The following ZBTB39 variants were observed in gnomAD, a reference collection of about 807,000 sequenced individuals.
ZBTB39 encodes the protein zinc finger and BTB domain containing 39.
ZBTB39 carries 25 observed loss-of-function variants against 39.4 expected under a neutral mutation model. The observed-to-expected ratio is 0.63, with a 90% CI of 0.46 to 0.89. The LOEUF is 0.89. Among genes scored for constraint, ZBTB39 ranks in the 40% least tolerant of loss-of-function variants. The probability of loss-of-function intolerance (pLI) is 0.00; values close to 1 mark genes in which losing one functional copy is unlikely to be tolerated. For synonymous variants in ZBTB39, 373 were observed against 359.6 expected, an observed-to-expected ratio of 1.04 and a Z score of -0.42; for missense variants, 891 against 909.7, an observed-to-expected ratio of 0.98 and a Z score of 0.26.
intron 1 of ZBTB39, among the ~76,000 whole-genome samples, chr12:57,005,733 G>T (rs1198104830): frequency 2.0e-5 from 3 of 152,188 alleles, no homozygotes; most frequent in African/African-American, 7.2e-5. Context: ...AGATTTACTT[G>T]ATGCCGCAAG....
intron 1 of ZBTB39, 117 bp from the exon 2 acceptor site, chr12:57,005,078 T>C: frequency 1.5e-6 from 1 of 684,492 alleles, no homozygotes; most frequent in Non-Finnish European, 2.4e-6. Context: ...GGATCAGGAG[T>C]AAACTGGCAT....
rs1264073298 is a variant in ZBTB39, at chr12:57,004,736, T to C, written c.182A>G (p.Asn61Ser). The change falls in exon 2 of 2, where the codon AAT (asparagine) becomes AGT (serine). Residue 61 changes from asparagine to serine, a missense_variant. Coordinates refer to ENST00000300101, the MANE Select transcript of ZBTB39 (RefSeq NM_014830.3). ...GGTCCTGGCAGCATCAAGCCCAGTA[T>C]TCAGGAAGAGGTTCTGGAAGTAGCC... ...AAGYFQNLFL[N>S]TGLDAARTYV... 2 of 1,614,158 alleles carry C rather than the reference T, an allele frequency of 1.2e-6. No homozygotes were observed. Among genetic ancestry groups the C allele is most frequent in the Admixed American group, 1.7e-5 (1 of 60,020 alleles).
At position 57,002,941 on chromosome 12, in the gene ZBTB39, G is replaced by C. The variant is rs758908942; in HGVS notation, c.1977C>G (p.Leu659=). 2 of 1,614,272 alleles carry C rather than the reference G, an allele frequency of 1.2e-6. No individual in the cohort carries two copies. Among genetic ancestry groups the C allele is most frequent in the Admixed American group, 1.7e-5 (1 of 60,034 alleles). Residue 659 remains leucine (L), a synonymous_variant, in exon 2 of 2, where the codon CTC becomes CTG. Transcript: ENST00000300101. ...GCCCACAGACTGTGCAGCGGTACAT[G>C]AGGGCCCCCGAGTGTGTCTTTAGGT... ...KCHLKTHSGA[L]MYRCTVCGHY...
In ZBTB39 at chr12:57,001,828, A is replaced by C. The variant is rs1434116109; in HGVS notation, c.*951T>G. 7 of 152,926 alleles carry C rather than the reference A, an allele frequency of 4.6e-5. No homozygotes were observed. Among genetic ancestry groups the C allele is most frequent in the African/African-American group, 1.7e-4 (7 of 41,432 alleles). The allele number at this position is 152,926 out of a possible 1,614,324, so 9.5% of individuals were successfully genotyped here. A position where few individuals can be genotyped will look rare whatever the true frequency, so the allele number is the denominator to read the frequency against. Reference sequence around the variant, plus strand: ...CACTTCATGGAGTCAGCTCATCTACACCACGGGCCAAACACTTCTGGACGG... The same window carrying C: ...CACTTCATGGAGTCAGCTCATCTACCCCACGGGCCAAACACTTCTGGACGG... On this transcript the variant is annotated 3_prime_UTR_variant, in exon 2 of 2. Transcript: ENST00000300101.
rs770426125 is a variant in ZBTB39 at position 57,004,437 on chromosome 12, C to T, written c.481G>A (p.Gly161Ser). The change falls in exon 2 of 2, where the codon GGT becomes AGT. Residue 161 changes from glycine to serine, a missense_variant. By Grantham distance (56) the Gly-to-Ser change is moderately conservative (BLOSUM62 0). Coordinates refer to ENST00000300101, the MANE Select transcript of ZBTB39 (RefSeq NM_014830.3). ...EPAHPLGELR[G>S]GGDYLGADRN... ...TCAGCACCAAGGTAGTCCCCACCAC[C>T]TCGGAGTTCTCCAAGGGGATGGGCA... The T allele has an allele frequency of 1.2e-5, 19 of 1,613,982 alleles. No individual in the cohort carries two copies. The South Asian group carries it at 2.0e-4, about 17-fold the overall frequency.
rs61752546 is a variant in ZBTB39 at position 57,003,249 on chromosome 12, C to T, written c.1669G>A (p.Val557Ile). The change falls in exon 2 of 2, where the codon GTC (valine) becomes ATC (isoleucine). Residue 557 changes from valine to isoleucine, a missense_variant. Coordinates refer to ENST00000300101, the MANE Select transcript of ZBTB39 (RefSeq NM_014830.3). This position sits in a 1 kb window ranked among gnomAD's most constrained non-coding sequence, Gnocchi z 4.8. ...FKSEAAYRYH[V>I]SQHKCNSGLD... ...CCACTGTTGCATTTGTGCTGGCTGA[C>T]GTGGTAGCGATAGGCAGCCTCTGAC... 0.023 allele frequency: 36,517 copies of T among 1,614,166 alleles called. 473 individuals carry two copies. Among genetic ancestry groups the T allele is most frequent in the Non-Finnish European group, 0.025 (29,569 of 1,180,006 alleles).
chr12:57,002,630 T>A lies in ZBTB39; in HGVS notation c.*149A>T. On this transcript the variant is annotated 3_prime_UTR_variant, in exon 2 of 2. Coordinates refer to ENST00000300101, the MANE Select transcript of ZBTB39 (RefSeq NM_014830.3). ...ACAACAGTAACAGCTTATGTGCTAT[T>A]TCTTCTTCTTTTCTTCTTTAAACAC... 1 of 740,166 alleles carries A rather than the reference T, an allele frequency of 1.4e-6. No homozygotes were observed. Among genetic ancestry groups the A allele is most frequent in the Non-Finnish European group, 2.2e-6 (1 of 458,642 alleles). The allele number at this position is 740,166 out of a possible 1,614,324, so 45.8% of individuals were successfully genotyped here. A position where few individuals can be genotyped will look rare whatever the true frequency, so the allele number is the denominator to read the frequency against.
At position 57,001,694 on chromosome 12, in the gene ZBTB39, G is replaced by C. The variant is rs1421506490; in HGVS notation, c.*1085C>G. ...AAAGCTCCGGCACTGTTAGCACAAAGTAAACAGGTTACCCGACTAGGACAG... is the reference window on the plus strand; with the variant it reads ...AAAGCTCCGGCACTGTTAGCACAAACTAAACAGGTTACCCGACTAGGACAG... On this transcript the variant is annotated 3_prime_UTR_variant, in exon 2 of 2. Coordinates refer to ENST00000300101, the MANE Select transcript of ZBTB39 (RefSeq NM_014830.3). 6.6e-6 allele frequency: 1 copy of C among 152,614 alleles called. No homozygotes were observed. The highest frequency in any genetic ancestry group is 2.4e-5 in the African/African-American group (1 of 41,330). 9.5% of individuals were successfully genotyped at this position (152,614 alleles called of 1,614,324 possible).
In ZBTB39 at chr12:57,004,859, A is replaced by G; in HGVS notation, c.59T>C (p.Leu20Pro). The G allele has an allele frequency of 6.2e-7, 1 of 1,613,360 alleles. No homozygotes were observed. Among genetic ancestry groups the G allele is most frequent in the Non-Finnish European group, 8.5e-7 (1 of 1,179,548 alleles). Residue 20 changes from leucine (L) to proline (P), a missense_variant, in exon 2 of 2, where the codon CTC becomes CCC. Leu to Pro is a moderately conservative substitution (Grantham distance 98). Transcript: ENST00000300101. ...TNHPNNLLKE[L>P]NKCRLSETMC... ...GGTCTCTGAGAGCCGGCACTTGTTG[A>G]GTTCCTTCAGCAGGTTGTTGGGGTG...
In ZBTB39 at chr12:57,001,878, GGCT is replaced by G. The variant is rs745354132; in HGVS notation, c.*898_*900del. On this transcript the variant is annotated 3_prime_UTR_variant, in exon 2 of 2. Coordinates refer to ENST00000300101, the MANE Select transcript of ZBTB39 (RefSeq NM_014830.3). ...GGAGACCAGATATAAATTAAGGCAAGGCTGCTGCTGTCAGATACATCCCCACCT... is the reference window on the plus strand; with the variant it reads ...GGAGACCAGATATAAATTAAGGCAAGGCTGCTGTCAGATACATCCCCACCT... 2 of 152,758 alleles carry G rather than the reference GGCT, an allele frequency of 1.3e-5. No individual in the cohort carries two copies. The highest frequency in any genetic ancestry group is 2.4e-5 in the African/African-American group (1 of 41,430). 9.5% of individuals were successfully genotyped at this position (152,758 alleles called of 1,614,324 possible). A position where few individuals can be genotyped will look rare whatever the true frequency, so the allele number is the denominator to read the frequency against.
In ZBTB39 at chr12:56,999,784, A is replaced by G. The variant is rs1322869115; in HGVS notation, c.*2995T>C. 1.3e-5 allele frequency: 2 copies of G among 152,166 alleles called. No homozygotes were observed. Among genetic ancestry groups the G allele is most frequent in the Non-Finnish European group, 2.9e-5 (2 of 68,032 alleles). The allele number at this position is 152,166 out of a possible 1,614,324, so 9.4% of individuals were successfully genotyped here. A position where few individuals can be genotyped will look rare whatever the true frequency, so the allele number is the denominator to read the frequency against. On this transcript the variant is annotated 3_prime_UTR_variant, in exon 2 of 2. Transcript: ENST00000300101. ...TTTTCCCCTCGGAAAACAAGTTGGG[A>G]ATGGCCTCATATTTGGTTTAATGCT... is the stretch of plus-strand genomic sequence containing the variant.
chr12:57,004,491 C>T lies in ZBTB39; in HGVS notation c.427G>A (p.Gly143Ser). The T allele has an allele frequency of 1.2e-6, 2 of 1,614,154 alleles. No individual in the cohort carries two copies. The highest frequency in any genetic ancestry group is 2.2e-5 in the South Asian group (2 of 91,074). ...TCTGCCGAAGGACAACTCAGGGTACCAGAGTGGCTCTCACTGGTGCTGGTC... is the reference window on the plus strand; with the variant it reads ...TCTGCCGAAGGACAACTCAGGGTACTAGAGTGGCTCTCACTGGTGCTGGTC... Reference protein sequence around the residue: ...PLTSTSESHSGTLSCPSAEPA... With the variant: ...PLTSTSESHSSTLSCPSAEPA... Residue 143 changes from glycine (G) to serine (S), a missense_variant, in exon 2 of 2, where the codon GGT (glycine) becomes AGT (serine). Coordinates refer to ENST00000300101, the MANE Select transcript of ZBTB39 (RefSeq NM_014830.3).
In ZBTB39 at chr12:57,005,492, C is replaced by T. The variant is rs1956239599; in HGVS notation, c.-44-531G>A. Reference sequence around the variant, plus strand: ...CCAAATAAATCTCACGTTCTTGAATCCCCATCTCTCTCTGCCTATACTACA... The same window carrying T: ...CCAAATAAATCTCACGTTCTTGAATTCCCATCTCTCTCTGCCTATACTACA... On this transcript the variant is annotated intron_variant, in intron 1 of 1. Transcript: ENST00000300101. 3.9e-5 allele frequency among the ~76,000 whole-genome samples: 6 copies of T among 152,160 alleles called. No individual in the cohort carries two copies. In the South Asian group the frequency reaches 1.2e-3, roughly 31 times the overall value.
rs762236041 is a variant in ZBTB39 at position 57,002,090 on chromosome 12, G to C, written c.*689C>G. ...CTGTCCATCCAGGCTGCCACTTCTG[G>C]TGGCACTGCAGGACACCCCTTCTGG... is the stretch of plus-strand genomic sequence containing the variant. On this transcript the variant is annotated 3_prime_UTR_variant, in exon 2 of 2. Coordinates refer to ENST00000300101, the MANE Select transcript of ZBTB39 (RefSeq NM_014830.3). The C allele has an allele frequency of 2.6e-5, 4 of 152,682 alleles. No individual in the cohort carries two copies. Among genetic ancestry groups the C allele is most frequent in the Non-Finnish European group, 5.9e-5 (4 of 68,068 alleles). The allele number at this position is 152,682 out of a possible 1,614,324, so 9.5% of individuals were successfully genotyped here. A position where few individuals can be genotyped will look rare whatever the true frequency, so the allele number is the denominator to read the frequency against.
rs749392775 is a variant in ZBTB39, at chr12:57,003,312, C to T, written c.1606G>A (p.Ala536Thr). The change falls in exon 2 of 2, where the codon GCC becomes ACC. Residue 536 changes from alanine to threonine, a missense_variant. Coordinates refer to ENST00000300101, the MANE Select transcript of ZBTB39 (RefSeq NM_014830.3). The surrounding 1 kb of genome is among the most constrained non-coding windows in gnomAD (Gnocchi z 4.8). The stretch of plus-strand genomic sequence containing the variant: ...CTGCACAAGCGGCAGTGGAAGAGGG[C>T]GTCTTCCAGACTTTGGTGCACAGCC... ...HMAVHQSLED[A>T]LFHCRLCSQS... 2.8e-5 allele frequency: 45 copies of T among 1,613,946 alleles called. No homozygotes were observed. Among genetic ancestry groups the T allele is most frequent in the Middle Eastern group, 3.3e-4 (2 of 6,058 alleles).
chr12:57,000,339 C>A lies in ZBTB39; in HGVS notation c.*2440G>T, dbSNP rs3803018. 0.099 allele frequency: 15,016 copies of A among 151,318 alleles called. 783 individuals carry two copies. The highest frequency in any genetic ancestry group is 0.18 in the East Asian group (908 of 5,170). 9.4% of individuals were successfully genotyped at this position (151,318 alleles called of 1,614,324 possible). A position where few individuals can be genotyped will look rare whatever the true frequency, so the allele number is the denominator to read the frequency against. ...GTTTTCTGTTTCGTGTTTCAAGGGC[C>A]AAGTTTCAAGGATCTGCTTTTTGGT... On this transcript the variant is annotated 3_prime_UTR_variant, in exon 2 of 2. Coordinates refer to ENST00000300101, the MANE Select transcript of ZBTB39 (RefSeq NM_014830.3).
In ZBTB39 at chr12:57,003,014, C is replaced by T. The variant is rs1956219098; in HGVS notation, c.1904G>A (p.Cys635Tyr). Residue 635 changes from cysteine (C) to tyrosine (Y), a missense_variant, in exon 2 of 2, where the codon TGT (cysteine) becomes TAT (tyrosine). Physicochemically the swap from Cys to Tyr is radical, Grantham distance 194. Coordinates refer to ENST00000300101, the MANE Select transcript of ZBTB39 (RefSeq NM_014830.3). This position sits in a 1 kb window ranked among gnomAD's most constrained non-coding sequence, Gnocchi z 4.8. ...RIHTGEKPYQ[C>Y]KVCHKFFRGR... ...TCGAAAGAACTTGTGGCACACCTTA[C>T]ATTGGTATGGCTTCTCCCCCGTGTG... 1 of 1,614,100 alleles carries T rather than the reference C, an allele frequency of 6.2e-7. No individual in the cohort carries two copies. Among genetic ancestry groups the T allele is most frequent in the Non-Finnish European group, 8.5e-7 (1 of 1,180,042 alleles).
chr12:56,998,873 C>T lies in ZBTB39; in HGVS notation c.*3906G>A, dbSNP rs1956193439. On this transcript the variant is annotated 3_prime_UTR_variant, in exon 2 of 2. Coordinates refer to ENST00000300101, the MANE Select transcript of ZBTB39 (RefSeq NM_014830.3). ...TTTTTTATTCTAAATAAAAACCACA[C>T]TTTGTGCTGAACAATGGAATATAAA... The T allele has an allele frequency of 6.6e-6, 1 of 152,618 alleles. No homozygotes were observed. Among genetic ancestry groups the T allele is most frequent in the Non-Finnish European group, 1.5e-5 (1 of 68,050 alleles). 9.5% of individuals were successfully genotyped at this position (152,618 alleles called of 1,614,324 possible).
chr12:57,003,138 G>T lies in ZBTB39; in HGVS notation c.1780C>A (p.Leu594Met). ...LPAEEFLGEELALQGQPGNSK... is the reference protein window; with the variant it reads ...LPAEEFLGEEMALQGQPGNSK... ...TTCCCAGGTTGGCCCTGCAGCGCCAGCTCTTCACCCAGAAACTCCTCTGCT... is the reference window on the plus strand; with the variant it reads ...TTCCCAGGTTGGCCCTGCAGCGCCATCTCTTCACCCAGAAACTCCTCTGCT... Residue 594 changes from leucine (L) to methionine (M), a missense_variant, in exon 2 of 2, where the codon CTG (leucine) becomes ATG (methionine). Leu to Met is a conservative substitution (Grantham distance 15, BLOSUM62 2). Transcript: ENST00000300101. This position sits in a 1 kb window ranked among gnomAD's most constrained non-coding sequence, Gnocchi z 4.8. 6.2e-7 allele frequency: 1 copy of T among 1,614,172 alleles called. No homozygotes were observed. The highest frequency in any genetic ancestry group is 8.5e-7 in the Non-Finnish European group (1 of 1,180,046).
Sources: allele counts gnomAD v4.1 joint callset (sites outside exome capture counted in the v4.1 genomes callset), GRCh38; gene constraint gnomAD v4.1.1; non-coding constraint Gnocchi (gnomAD v3.1); transcripts MANE v1.5; gene names NCBI Gene and HGNC (gene_info 2026-07-23, HGNC 2026-07-21).